NR4A1: variants seen among roughly 807,000 people sequenced by gnomAD.
The protein encoded by NR4A1 is nuclear receptor subfamily 4 group A member 1.
Under a neutral mutation model 47.5 loss-of-function variants are expected in NR4A1, and 24 were observed. That is an observed-to-expected ratio of 0.50 (90% CI 0.37 to 0.71). The LOEUF is 0.71. Among genes scored for constraint, NR4A1 ranks in the 30% least tolerant of loss-of-function variants. NR4A1 has a pLI of 0.00. For synonymous variants in NR4A1, 353 were observed against 345.7 expected (o/e 1.02, Z -0.24); for missense variants, 669 against 788.6 (o/e 0.85, Z 1.82).
At chr12:52,058,494 T>A in intron 6 of NR4A1, 194 bp from the exon 7 acceptor site, 1 of 682,526 alleles carries the variant, frequency 1.5e-6, no homozygotes, top group Non-Finnish European at 2.4e-6. Context: ...ACTTGGAGTA[T>A]GAGGATAATG....
chr12:52,027,289 C>T (rs1938018671), intron 1 of NR4A1, among the ~76,000 whole-genome samples: 1 of 152,266 alleles, frequency 6.6e-6, no homozygotes, highest in Admixed American at 6.5e-5. Flanking sequence ...AGCTGACCGC[C>T]CTGTGCTCCT....
At chr12:52,057,646 C>A in intron 6 of NR4A1, 116 bp downstream of exon 6, 1 of 1,147,542 alleles carries the variant, frequency 8.7e-7, no homozygotes, top group Non-Finnish European at 1.2e-6. Flanking sequence ...CTTTCTGGGC[C>A]CCTGCACTGC....
At chr12:52,038,722 C>T (rs769986429) in intron 1 of NR4A1, 1 of 764,812 alleles carries the variant, frequency 1.3e-6, no homozygotes, top group Non-Finnish European at 2.4e-6. Context: ...GACAAGTGCA[C>T]AGTATAAAAT....
chr12:52,041,666 G>A, intron 1 of NR4A1: 1 of 900,778 alleles, frequency 1.1e-6, no homozygotes. Context: ...CTAACCCGGG[G>A]AGGTCCTTGG....
At chr12:52,045,238 G>A (rs976388589) in intron 2 of NR4A1, among the ~76,000 whole-genome samples, 6 of 152,188 alleles carry the variant, frequency 3.9e-5, no homozygotes, top group Non-Finnish European at 8.8e-5. Context: ...CGGCTCCCCC[G>A]TCCAGCTGAG....
In NR4A1 at chr12:52,039,603, T is replaced by C. The variant is rs114721367; in HGVS notation, c.-83-2207T>C. On this transcript the variant is annotated intron_variant, in intron 1 of 7. Transcript: ENST00000360284. ...GACCTTCCTCCCAGCACAGCTCCAA[T>C]GCAGGCATGTGCATCCACCACCCTT... Among the ~76,000 whole-genome samples the C allele has an allele frequency of 9.6e-3, 1,460 of 152,336 alleles. 28 individuals carry two copies. The highest frequency in any genetic ancestry group is 0.033 in the African/African-American group (1,373 of 41,578).
intron 1 of NR4A1, among the ~76,000 whole-genome samples, chr12:52,033,109 A>G (rs1378787797): frequency 6.6e-6 from 1 of 152,164 alleles, no homozygotes; most frequent in African/African-American, 2.4e-5. Flanking sequence ...AGGTAATGGA[A>G]TCCTGGCTGG....
chr12:52,049,371 G>T (rs993513453), upstream of NR4A1, among the ~76,000 whole-genome samples: 2 of 152,258 alleles, frequency 1.3e-5, no homozygotes, highest in African/African-American at 4.8e-5. Context: ...GGTGGACAGT[G>T]AGGCTTTAGA....
chr12:52,029,497 G>A (rs1199858639), intron 1 of NR4A1, among the ~76,000 whole-genome samples: 8 of 152,150 alleles, frequency 5.3e-5, no homozygotes, highest in Admixed American at 2.0e-4. Flanking sequence ...AGACCAGCCT[G>A]GGCAACAGAG....
chr12:52,052,638 G>A (rs1592301959), intron 1 of NR4A1: 1 of 985,614 alleles, frequency 1.0e-6, no homozygotes, highest in East Asian at 1.1e-4. Flanking sequence ...CCTCCTGTGA[G>A]GCTAGATGTA....
chr12:52,033,561 C>A (rs569244856), intron 1 of NR4A1, among the ~76,000 whole-genome samples: 12 of 152,264 alleles, frequency 7.9e-5, no homozygotes, highest in African/African-American at 2.9e-4. Flanking sequence ...CTCTTGGGGC[C>A]CTGACGCCTT....
At position 52,058,640 on chromosome 12, in the gene NR4A1, G is replaced by C; in HGVS notation, c.1541-48G>C. On this transcript the variant is annotated intron_variant, in intron 6 of 6. Coordinates refer to ENST00000394825, the MANE Select transcript of NR4A1 (RefSeq NM_173157.3). ...GGGGCCTGGGGGAGGCTGGGGCTTT[G>C]GGGGCCTGGTTCTCAGATGTACAGC... 5 of 1,487,512 alleles carry C rather than the reference G, an allele frequency of 3.4e-6. No individual in the cohort carries two copies. In the East Asian group the frequency reaches 1.2e-4, roughly 37 times the overall value. 92.1% of individuals were successfully genotyped at this position (1,487,512 alleles called of 1,614,324 possible). A position where few individuals can be genotyped will look rare whatever the true frequency, so the allele number is the denominator to read the frequency against.
At chr12:52,050,899 G>T (rs1477058004), upstream of NR4A1, among the ~76,000 whole-genome samples, 2 of 152,194 alleles carry the variant, frequency 1.3e-5, no homozygotes, top group Non-Finnish European at 2.9e-5. Flanking sequence ...ACACCCTAGG[G>T]CTCCAGGAAG....
chr12:52,041,965 C>T (rs1938457234), intron 2 of NR4A1: 1 of 1,300,642 alleles, frequency 7.7e-7, no homozygotes, highest in Non-Finnish European at 9.8e-7. Context: ...TACACCCCTC[C>T]AGCAGGTGGG....
rs1002184970 is a variant in NR4A1 at position 52,059,157 on chromosome 12, C to CA, written c.*214dup. The stretch of plus-strand genomic sequence containing the variant: ...ACCCCACGATTTGTCTTATCCCCCC[C>CA]AGCCTGGCCCCGGCCTTTATGTTTT... On this transcript the variant is annotated 3_prime_UTR_variant, in exon 7 of 7. Coordinates refer to ENST00000394825, the MANE Select transcript of NR4A1 (RefSeq NM_173157.3). 12 of 612,314 alleles carry CA rather than the reference C, an allele frequency of 2.0e-5. No homozygotes were observed. The highest frequency in any genetic ancestry group is 3.1e-5 in the Non-Finnish European group (11 of 359,772). 37.9% of individuals were successfully genotyped at this position (612,314 alleles called of 1,614,324 possible). A position where few individuals can be genotyped will look rare whatever the true frequency, so the allele number is the denominator to read the frequency against.
Position 52,057,086 on chromosome 12 carries a change from G to T in NR4A1, c.1188G>T (p.Gly396=), listed in dbSNP as rs1356290812. 3 of 1,609,692 alleles carry T rather than the reference G, an allele frequency of 1.9e-6. No homozygotes were observed. The highest frequency in any genetic ancestry group is 2.5e-6 in the Non-Finnish European group (3 of 1,177,948). ...KFQELVLPHF[G]KEDAGDVQQF... ...AGGAGCTGGTGCTGCCCCACTTTGG[G>T]AAGGAAGATGCTGGGGATGTACAGC... Residue 396 remains glycine, a synonymous_variant, in exon 5 of 7, where the codon GGG becomes GGT. Transcript: ENST00000394825.
At chr12:52,051,120 G>T (rs1018555351), upstream of NR4A1, among the ~76,000 whole-genome samples, 1 of 152,340 alleles carries the variant, frequency 6.6e-6, no homozygotes, top group South Asian at 2.1e-4. Flanking sequence ...TCCGGTGCGG[G>T]GAGCCTAGTG....
intron 1 of NR4A1, among the ~76,000 whole-genome samples, chr12:52,024,543 A>T (rs545552100): frequency 3.9e-5 from 6 of 152,222 alleles, no homozygotes; most frequent in East Asian, 3.9e-4. Context: ...AAAAATTTTT[A>T]AAAATGATCT....
intron 2 of NR4A1, among the ~76,000 whole-genome samples, chr12:52,043,208 C>T (rs1442559717): frequency 6.6e-6 from 1 of 152,152 alleles, no homozygotes; most frequent in East Asian, 1.9e-4. Context: ...GGGGGAGAGG[C>T]AGGTGTTCTC....
Sources: gnomAD v4.1 joint callset for allele counts (sites outside exome capture counted in the v4.1 genomes callset) on GRCh38, gnomAD v4.1.1 for gene constraint, MANE v1.5 for transcripts, NCBI Gene and HGNC (gene_info 2026-07-23, HGNC 2026-07-21) for gene names.